The following ITPR2 variants were observed in gnomAD, a reference collection of about 807,000 sequenced individuals.
ITPR2 encodes inositol 1,4,5-trisphosphate-gated calcium channel ITPR2.
In ITPR2, 207 loss-of-function variants were observed where a neutral mutation model predicts 317.1. That is an observed-to-expected ratio of 0.65 (90% CI 0.58 to 0.73). The LOEUF is 0.73. ITPR2 is among the 30% of genes least tolerant of loss of function. The probability of loss-of-function intolerance (pLI) is 0.00; values close to 1 mark genes in which losing one functional copy is unlikely to be tolerated. For synonymous variants in ITPR2, 1,156 were observed against 1,149.1 expected (o/e 1.01, Z -0.12); for missense variants, 2,613 against 3,284.0 (o/e 0.80, Z 4.99).
At chr12:26,737,781 A>G (rs1949154370) in intron 2 of ITPR2, among the ~76,000 whole-genome samples, 1 of 152,214 alleles carries the variant, frequency 6.6e-6, no homozygotes, top group Admixed American at 6.5e-5. Context: ...AAAATGCTCA[A>G]AGTTAAAGCA....
In ITPR2 at chr12:26,556,297, T is replaced by G; in HGVS notation, c.4900A>C (p.Ser1634Arg). ...CCCTCAGGGAACAGCAGTTCTGGAC[T>G]GTACAATACATCAACCAACACTGAG... Reference protein sequence around the residue: ...EFSVLVDVLYSPELLFPEGSD... With the variant: ...EFSVLVDVLYRPELLFPEGSD... The change falls in exon 36 of 57, where the codon AGT becomes CGT. Residue 1634 changes from serine (S) to arginine (R), a missense_variant. Ser to Arg is a moderately radical substitution (Grantham distance 110). Around this residue, in one of 9 missense-constraint regions of ITPR2, gnomAD observed 926 missense variants for 1,072.8 expected, o/e 0.86. Transcript: ENST00000381340. 1 of 1,614,104 alleles carries G rather than the reference T, an allele frequency of 6.2e-7. No individual in the cohort carries two copies. The highest frequency in any genetic ancestry group is 1.7e-5 in the Admixed American group (1 of 60,020).
At chr12:26,665,847 G>A in intron 14 of ITPR2, 63 bp downstream of exon 14, 1 of 1,391,436 alleles carries the variant, frequency 7.2e-7, no homozygotes, top group South Asian at 1.3e-5. Context: ...CTAATACAAG[G>A]CCTTTCCTGA....
chr12:26,510,917 T>G (rs1319241502), intron 37 of ITPR2, among the ~76,000 whole-genome samples: 1 of 152,188 alleles, frequency 6.6e-6, no homozygotes, highest in East Asian at 1.9e-4. Context: ...TATAAAATGT[T>G]CACTAGACGT....
intron 45 of ITPR2, among the ~76,000 whole-genome samples, chr12:26,463,753 T>A (rs959269137): frequency 7.2e-5 from 11 of 152,092 alleles, no homozygotes; most frequent in Non-Finnish European, 1.5e-4. Context: ...ATGTATACTA[T>A]ATCACATTTC....
At chr12:26,412,572 A>T (rs1340137633) in intron 51 of ITPR2, among the ~76,000 whole-genome samples, 4 of 152,196 alleles carry the variant, frequency 2.6e-5, no homozygotes, top group African/African-American at 7.2e-5. Context: ...GCTAGAGGAC[A>T]TAGAGAGATA....
intron 43 of ITPR2, among the ~76,000 whole-genome samples, chr12:26,477,290 A>C (rs916399120): frequency 6.6e-6 from 1 of 152,140 alleles, no homozygotes; most frequent in Non-Finnish European, 1.5e-5. Flanking sequence ...TACCACACTA[A>C]AATATAATCA....
At position 26,494,290 on chromosome 12, in the gene ITPR2, T is replaced by C; in HGVS notation, c.5233A>G (p.Ile1745Val). The C allele has an allele frequency of 1.2e-6, 2 of 1,612,904 alleles. No individual in the cohort carries two copies. Among genetic ancestry groups the C allele is most frequent in the Non-Finnish European group, 1.7e-6 (2 of 1,179,592 alleles). The part of the protein sequence containing the change: ...SDKMGISMSD[I>V]QCLLDKEGAS... ...CCTTCTTTATCCAGCAGACACTGAA[T>C]GTCTGACATTGATATCCCCATCTTA... Residue 1745 changes from isoleucine (I) to valine (V), a missense_variant, in exon 39 of 57, where the codon ATT becomes GTT. Transcript: ENST00000381340.
At chr12:26,394,620 G>C (rs185978748) in intron 54 of ITPR2, among the ~76,000 whole-genome samples, 58 of 152,306 alleles carry the variant, frequency 3.8e-4, no homozygotes, top group African/African-American at 1.4e-3. Context: ...GCCAGATTGT[G>C]GGGGTAGCTT....
rs1294662057 is a variant in ITPR2, at chr12:26,339,462, T to G, written c.8041A>C (p.Lys2681Gln). Residue 2681 changes from lysine (K) to glutamine (Q), a missense_variant, in exon 57 of 57, where the codon AAG becomes CAG. Around this residue, in one of 9 missense-constraint regions of ITPR2, gnomAD observed 119 missense variants for 144.3 expected, o/e 0.82. Transcript: ENST00000381340. ...KEQMTEQRKN[K>Q]QRLGFLGSNT... is the part of the protein sequence containing the mutation. ...GATCCGAGGAAGCCCAGTCTCTGCTTATTCTTCCTTTGTTCTGTCATCTGG... is the reference window on the plus strand; with the variant it reads ...GATCCGAGGAAGCCCAGTCTCTGCTGATTCTTCCTTTGTTCTGTCATCTGG... 6.2e-7 allele frequency: 1 copy of G among 1,613,884 alleles called. No individual in the cohort carries two copies.
At chr12:26,629,760 C>G (rs1331525968) in intron 22 of ITPR2, among the ~76,000 whole-genome samples, 1 of 152,020 alleles carries the variant, frequency 6.6e-6, no homozygotes, top group East Asian at 1.9e-4. Flanking sequence ...CTCTCTCTCT[C>G]TCCTCCCCCG....
At chr12:26,785,367 C>CA (rs1950210976) in intron 2 of ITPR2, among the ~76,000 whole-genome samples, 2 of 53,900 alleles carry the variant, frequency 3.7e-5, no homozygotes, top group Non-Finnish European at 4.9e-5. Flanking sequence ...TCTGCCCGGC[C>CA]GCCCCTACTG....
intron 2 of ITPR2, among the ~76,000 whole-genome samples, chr12:26,755,576 G>A (rs908785187): frequency 6.6e-6 from 1 of 152,182 alleles, no homozygotes; most frequent in Non-Finnish European, 1.5e-5. Context: ...AAAATTTGGA[G>A]CATATTTGTT....
chr12:26,345,397 C>G (rs1243937527), intron 55 of ITPR2, among the ~76,000 whole-genome samples: 1 of 152,064 alleles, frequency 6.6e-6, no homozygotes, highest in Non-Finnish European at 1.5e-5. Flanking sequence ...ATATACATAT[C>G]TATGATGAAG....
intron 55 of ITPR2, among the ~76,000 whole-genome samples, chr12:26,375,545 G>A (rs777458267): frequency 2.3e-4 from 35 of 152,256 alleles, no homozygotes; most frequent in Admixed American, 6.5e-4. Context: ...TTTTTCTCCT[G>A]GTTCTACTTT....
At chr12:26,663,889 GT>G in intron 14 of ITPR2, 43 bp from the exon 15 acceptor site, 1 of 1,487,346 alleles carries the variant, frequency 6.7e-7, no homozygotes, top group South Asian at 1.3e-5. Flanking sequence ...TGAATAAAAT[GT>G]TTTGCAACCT....
At chr12:26,540,273 T>C (rs374103947) in intron 37 of ITPR2, among the ~76,000 whole-genome samples, 2 of 152,322 alleles carry the variant, frequency 1.3e-5, no homozygotes, top group Middle Eastern at 6.8e-3. Context: ...AAGATAAATA[T>C]AATTTGATAA....
chr12:26,527,723 C>T (rs759705731), intron 37 of ITPR2, among the ~76,000 whole-genome samples: 1 of 152,172 alleles, frequency 6.6e-6, no homozygotes, highest in Non-Finnish European at 1.5e-5. Flanking sequence ...TTGAGACATA[C>T]TTCTTCTATA....
intron 37 of ITPR2, among the ~76,000 whole-genome samples, chr12:26,534,258 T>A (rs1289563012): frequency 6.6e-6 from 1 of 152,224 alleles, no homozygotes; most frequent in Non-Finnish European, 1.5e-5. Context: ...CAGGAAGTAT[T>A]CCTGGCAAGA....
chr12:26,525,148 C>A (rs985180784), intron 37 of ITPR2, among the ~76,000 whole-genome samples: 1 of 152,122 alleles, frequency 6.6e-6, no homozygotes, highest in African/African-American at 2.4e-5. Context: ...AAAGATTTTA[C>A]TGTAAAATAT....
Sources: gnomAD v4.1 joint callset for allele counts (sites outside exome capture counted in the v4.1 genomes callset) on GRCh38, gnomAD v4.1.1 for gene constraint, gnomAD v4.1.1 regional missense constraint, MANE v1.5 for transcripts, NCBI Gene and HGNC (gene_info 2026-07-23, HGNC 2026-07-21) for gene names.